LRMDA: variants seen among roughly 807,000 people sequenced by gnomAD.
The protein encoded by LRMDA is leucine rich melanocyte differentiation associated.
LRMDA carries 18 observed loss-of-function variants against 29.8 expected under a neutral mutation model. The observed-to-expected ratio is 0.60, with a 90% CI of 0.42 to 0.90. LRMDA has a LOEUF of 0.90. Ranked by LOEUF, LRMDA falls within the 40% of genes least tolerant of loss-of-function variation. LRMDA has a pLI of 0.00. For synonymous variants in LRMDA, 125 were observed against 109.4 expected (o/e 1.14, Z -0.89); for missense variants, 273 against 273.9 (o/e 1.00, Z 0.02).
chr10:75,584,629 A>G (rs1430328), intron 2 of LRMDA, among the ~76,000 whole-genome samples: 91,387 of 151,462 alleles, frequency 0.6, 30,876 homozygotes, highest in East Asian at 0.85. Flanking sequence ...AGAAGGTAGC[A>G]TGTGGTTTAG....
At chr10:75,972,295 A>T (rs533645822) in intron 2 of LRMDA, among the ~76,000 whole-genome samples, 1 of 151,902 alleles carries the variant, frequency 6.6e-6, no homozygotes, top group African/African-American at 2.4e-5. Context: ...TTTTTAATGA[A>T]TATTTTTTAA....
At chr10:76,032,198 G>T (rs952383488) in intron 2 of LRMDA, among the ~76,000 whole-genome samples, 3 of 152,198 alleles carry the variant, frequency 2.0e-5, no homozygotes, top group African/African-American at 7.2e-5. Context: ...TGCAGGGAAA[G>T]GATGAAGGTC....
chr10:76,291,910 G>A (rs533435766), intron 5 of LRMDA, among the ~76,000 whole-genome samples: 12 of 119,250 alleles, frequency 1.0e-4, no homozygotes, highest in Admixed American at 4.2e-4. Flanking sequence ...ACACCCACAC[G>A]TGCACACACA....
chr10:75,623,456 T>C (rs1373945880), intron 2 of LRMDA, among the ~76,000 whole-genome samples: 2 of 152,184 alleles, frequency 1.3e-5, no homozygotes, highest in South Asian at 2.1e-4. Context: ...GATAGCAGTA[T>C]TGTGGAGTGA....
intron 2 of LRMDA, among the ~76,000 whole-genome samples, chr10:75,610,034 G>C (rs1164868836): frequency 6.6e-6 from 1 of 151,902 alleles, no homozygotes; most frequent in Non-Finnish European, 1.5e-5. Context: ...GGACAAACTG[G>C]GTAAATTACA....
chr10:75,819,799 C>T (rs952109606), intron 2 of LRMDA, among the ~76,000 whole-genome samples: 1 of 152,094 alleles, frequency 6.6e-6, no homozygotes, highest in Admixed American at 6.6e-5. Flanking sequence ...TGGATCTAGA[C>T]CTGTACTGTC....
At position 75,838,364 on chromosome 10, in the gene LRMDA, T is replaced by G. The variant is rs1040608931; in HGVS notation, c.132-197644T>G. Among the ~76,000 whole-genome samples the G allele has an allele frequency of 2.6e-5, 4 of 152,374 alleles. No homozygotes were observed. In the East Asian group the frequency reaches 7.7e-4, roughly 29 times the overall value. On this transcript the variant is annotated intron_variant, in intron 2 of 6. Transcript: ENST00000611255. Reference sequence around the variant, plus strand: ...TAATTTCCAGTGATTCTGAATAGTTTATATAGGGAACATTTTTTTTCTTGC... The same window carrying G: ...TAATTTCCAGTGATTCTGAATAGTTGATATAGGGAACATTTTTTTTCTTGC...
chr10:76,309,927 G>A (rs1453771959), intron 5 of LRMDA, among the ~76,000 whole-genome samples: 1 of 152,178 alleles, frequency 6.6e-6, no homozygotes, highest in Admixed American at 6.5e-5. Flanking sequence ...TACCATTAAA[G>A]AGGCCATTCA....
At chr10:76,476,216 A>T (rs1253248630) in intron 6 of LRMDA, among the ~76,000 whole-genome samples, 2 of 152,174 alleles carry the variant, frequency 1.3e-5, no homozygotes, top group African/African-American at 4.8e-5. Context: ...GACAAAGGGG[A>T]TATCACCACC....
intron 5 of LRMDA, among the ~76,000 whole-genome samples, chr10:76,160,327 A>C (rs915859901): frequency 1.6e-4 from 25 of 151,990 alleles, no homozygotes; most frequent in Admixed American, 9.8e-4. Flanking sequence ...GAAAGTAAAA[A>C]GTTCTTAATG....
At chr10:76,352,910 G>C (rs1564517665) in intron 6 of LRMDA, among the ~76,000 whole-genome samples, 1 of 151,992 alleles carries the variant, frequency 6.6e-6, no homozygotes, top group Non-Finnish European at 1.5e-5. Context: ...TCCTACTTTG[G>C]TGTGGGCCAT....
chr10:76,477,677 C>G (rs1221115859), intron 6 of LRMDA, among the ~76,000 whole-genome samples: 1 of 152,124 alleles, frequency 6.6e-6, no homozygotes. Context: ...GTAACCAAAA[C>G]AGCATGGTAC....
chr10:75,931,585 G>A (rs971454832), intron 2 of LRMDA, among the ~76,000 whole-genome samples: 8 of 152,148 alleles, frequency 5.3e-5, no homozygotes, highest in African/African-American at 1.9e-4. Flanking sequence ...ATAAGTCAAG[G>A]ATCTGAATGG....
chr10:76,444,380 G>A (rs1842332850), intron 6 of LRMDA, among the ~76,000 whole-genome samples: 1 of 152,214 alleles, frequency 6.6e-6, no homozygotes, highest in African/African-American at 2.4e-5. Flanking sequence ...TATGGTAGAA[G>A]TGAGTAATGA....
chr10:76,098,640 A>T (rs1457545349), intron 5 of LRMDA, among the ~76,000 whole-genome samples: 1 of 151,884 alleles, frequency 6.6e-6, no homozygotes, highest in Non-Finnish European at 1.5e-5. Flanking sequence ...AAAGAACTAG[A>T]TTTTGGTACT....
intron 3 of LRMDA, among the ~76,000 whole-genome samples, chr10:76,040,857 TG>T (rs1345744891): frequency 2.0e-5 from 3 of 152,216 alleles, no homozygotes; most frequent in Non-Finnish European, 4.4e-5. Flanking sequence ...GCACATGTAC[TG>T]AATAGCCAAT....
chr10:76,490,359 G>A (rs1297699761), intron 6 of LRMDA, among the ~76,000 whole-genome samples: 2 of 151,902 alleles, frequency 1.3e-5, no homozygotes, highest in Non-Finnish European at 2.9e-5. Flanking sequence ...TCTGTCCAAT[G>A]ATGAAAGTGA....
At chr10:76,201,345 G>T (rs1851427879) in intron 5 of LRMDA, among the ~76,000 whole-genome samples, 1 of 151,984 alleles carries the variant, frequency 6.6e-6, no homozygotes, top group Non-Finnish European at 1.5e-5. Flanking sequence ...CGCCTGTCTT[G>T]GCCTCCCAAA....
chr10:75,685,608 A>T (rs569889193), intron 2 of LRMDA, among the ~76,000 whole-genome samples: 1 of 152,262 alleles, frequency 6.6e-6, no homozygotes, highest in Non-Finnish European at 1.5e-5. Context: ...AGCAAGATAA[A>T]GAAGACATAG....
Sources: gnomAD v4.1 joint callset for allele counts (sites outside exome capture counted in the v4.1 genomes callset) on GRCh38, gnomAD v4.1.1 for gene constraint, MANE v1.5 for transcripts, NCBI Gene and HGNC (gene_info 2026-07-23, HGNC 2026-07-21) for gene names.